The following DPP10 variants were observed in gnomAD, a reference collection of about 807,000 sequenced individuals.
DPP10 encodes the protein inactive dipeptidyl peptidase 10.
In DPP10, 33 loss-of-function variants were observed where a neutral mutation model predicts 120.9. That is an observed-to-expected ratio of 0.27 (90% CI 0.21 to 0.37). The LOEUF (loss-of-function observed/expected upper bound fraction) is 0.37. DPP10 is among the 10% of genes least tolerant of loss of function. The probability of loss-of-function intolerance (pLI) is 1.00; values close to 1 mark genes in which losing one functional copy is unlikely to be tolerated. For synonymous variants in DPP10, 337 were observed against 326.1 expected (o/e 1.03, Z -0.36); for missense variants, 816 against 942.8 (o/e 0.87, Z 1.76).
At chr2:115,414,631 G>A (rs1574768901) in intron 3 of DPP10, among the ~76,000 whole-genome samples, 2 of 152,246 alleles carry the variant, frequency 1.3e-5, no homozygotes, top group East Asian at 3.9e-4. Flanking sequence ...AGCGTGATAT[G>A]TATGTACCAT....
chr2:114,579,375 TA>T (rs1690309194), intron 1 of DPP10, among the ~76,000 whole-genome samples: 2 of 152,318 alleles, frequency 1.3e-5, no homozygotes, highest in South Asian at 4.1e-4. Context: ...CTGAATTTTA[TA>T]GGGGGAAATA....
At chr2:114,755,582 C>G (rs778234995) in intron 1 of DPP10, among the ~76,000 whole-genome samples, 1 of 152,132 alleles carries the variant, frequency 6.6e-6, no homozygotes, top group East Asian at 1.9e-4. Context: ...AGAAAGCAAA[C>G]AGGATATAGC....
intron 5 of DPP10, among the ~76,000 whole-genome samples, chr2:115,619,973 T>G (rs1575355756): frequency 6.6e-6 from 1 of 152,236 alleles, no homozygotes; most frequent in Non-Finnish European, 1.5e-5. Context: ...ATTCTGTGAA[T>G]TTTGTTTTGC....
intron 1 of DPP10, among the ~76,000 whole-genome samples, chr2:114,886,790 C>CT (rs1266488886): frequency 1.3e-5 from 2 of 152,110 alleles, no homozygotes; most frequent in Non-Finnish European, 2.9e-5. Flanking sequence ...GTCATGTAGT[C>CT]GAGGCCTTGC....
intron 1 of DPP10, among the ~76,000 whole-genome samples, chr2:114,843,303 T>G (rs778421890): frequency 6.6e-6 from 1 of 152,130 alleles, no homozygotes; most frequent in Non-Finnish European, 1.5e-5. Flanking sequence ...TTACTCATGT[T>G]TCTACCAGTG....
chr2:114,906,140 A>G (rs1693940142), intron 1 of DPP10, among the ~76,000 whole-genome samples: 1 of 152,008 alleles, frequency 6.6e-6, no homozygotes, highest in African/African-American at 2.4e-5. Context: ...GCACTTTGGG[A>G]GGCCAAAGTG....
At chr2:115,035,623 A>G (rs997925114) in intron 1 of DPP10, among the ~76,000 whole-genome samples, 2 of 152,194 alleles carry the variant, frequency 1.3e-5, no homozygotes, top group Admixed American at 6.5e-5. Flanking sequence ...TATGGTAGAT[A>G]CTGCTTTTAT....
intron 1 of DPP10, among the ~76,000 whole-genome samples, chr2:114,530,973 AC>A (rs760860003): frequency 5.9e-5 from 9 of 152,258 alleles, no homozygotes; most frequent in Non-Finnish European, 1.0e-4. Context: ...AGAAAAAAAA[AC>A]ATGACTTAAT....
At chr2:114,914,343 C>A (rs1694613806) in intron 1 of DPP10, among the ~76,000 whole-genome samples, 1 of 152,196 alleles carries the variant, frequency 6.6e-6, no homozygotes, top group East Asian at 1.9e-4. Flanking sequence ...GGAACCCTAT[C>A]AAGCTAACAG....
intron 1 of DPP10, among the ~76,000 whole-genome samples, chr2:114,741,979 C>T (rs1678110116): frequency 6.6e-6 from 1 of 152,130 alleles, no homozygotes; most frequent in Non-Finnish European, 1.5e-5. Flanking sequence ...GGGGATTTAC[C>T]TAACACCACA....
chr2:115,817,920 A>G (rs896233423), intron 21 of DPP10, among the ~76,000 whole-genome samples: 5 of 152,168 alleles, frequency 3.3e-5, no homozygotes, highest in Non-Finnish European at 5.9e-5. Flanking sequence ...GGTTGTTGCC[A>G]GGATTTGAGG....
intron 1 of DPP10, among the ~76,000 whole-genome samples, chr2:115,016,876 C>G (rs1257172160): frequency 6.6e-6 from 1 of 152,020 alleles, no homozygotes; most frequent in African/African-American, 2.4e-5. Flanking sequence ...ACTATGCAGC[C>G]ATAGAAAATG....
chr2:114,936,885 A>G (rs1005050979), intron 1 of DPP10, among the ~76,000 whole-genome samples: 1 of 152,134 alleles, frequency 6.6e-6, no homozygotes, highest in Non-Finnish European at 1.5e-5. Flanking sequence ...CCATTTGTAT[A>G]TCTTCTTTAA....
At chr2:114,708,768 T>C (rs760255315) in intron 1 of DPP10, among the ~76,000 whole-genome samples, 9 of 152,182 alleles carry the variant, frequency 5.9e-5, no homozygotes, top group Non-Finnish European at 1.0e-4. Flanking sequence ...GTTTTTTGTT[T>C]TTTTTGAGAT....
At chr2:115,837,277 C>A (rs936856481) in intron 24 of DPP10, among the ~76,000 whole-genome samples, 2 of 152,024 alleles carry the variant, frequency 1.3e-5, no homozygotes, top group African/African-American at 2.4e-5. Context: ...CACTTTAAAC[C>A]TTGGAGGTGG....
At chr2:115,564,651 C>T (rs1424070511) in intron 5 of DPP10, among the ~76,000 whole-genome samples, 6 of 152,082 alleles carry the variant, frequency 3.9e-5, no homozygotes, top group South Asian at 4.1e-4. Context: ...ATTCTCTGAA[C>T]ATTTATCACA....
At chr2:114,886,929 TAGTCTGACATTCTC>T (rs1160637534) in intron 1 of DPP10, among the ~76,000 whole-genome samples, 1 of 152,182 alleles carries the variant, frequency 6.6e-6, no homozygotes, top group African/African-American at 2.4e-5. Context: ...CTCCACCCCC[TAGTCTGACATTCTC>T]AGGTTGCATT....
At chr2:115,410,682 A>G (rs2068884374) in intron 3 of DPP10, among the ~76,000 whole-genome samples, 1 of 152,212 alleles carries the variant, frequency 6.6e-6, no homozygotes, top group South Asian at 2.1e-4. Context: ...TGTGGGAGGA[A>G]GGTGAGGGAT....
At chr2:115,464,559 G>T (rs1348372588) in intron 3 of DPP10, among the ~76,000 whole-genome samples, 1 of 152,054 alleles carries the variant, frequency 6.6e-6, no homozygotes, top group Non-Finnish European at 1.5e-5. Context: ...ATGTGTGAAT[G>T]CCCCAGCCTG....
Sources: gnomAD v4.1 joint callset for allele counts (sites outside exome capture counted in the v4.1 genomes callset) on GRCh38, gnomAD v4.1.1 for gene constraint, MANE v1.5 for transcripts, NCBI Gene and HGNC (gene_info 2026-07-23, HGNC 2026-07-21) for gene names.